The following ABCA9 variants were observed in gnomAD, a reference collection of about 807,000 sequenced individuals.
The protein encoded by ABCA9 is ATP binding cassette subfamily A member 9, also known as ATP-binding cassette sub-family A member 9.
Under a neutral mutation model 205.3 loss-of-function variants are expected in ABCA9, and 183 were observed. The ratio of observed to expected loss-of-function variants is 0.89; its 90% CI spans 0.79 to 1.01. ABCA9 has a LOEUF of 1.01. Ranked by LOEUF, ABCA9 falls within the 50% of genes least tolerant of loss-of-function variation. ABCA9 has a pLI of 0.00. For missense variants in ABCA9, 1,805 were observed against 1,912.4 expected, an observed-to-expected ratio of 0.94 and a Z score of 1.05; for synonymous variants, 651 against 683.3, an observed-to-expected ratio of 0.95 and a Z score of 0.74.
At chr17:69,025,869 G>T (rs1397570724) in intron 16 of ABCA9, among the ~76,000 whole-genome samples, 1 of 151,970 alleles carries the variant, frequency 6.6e-6, no homozygotes, top group Non-Finnish European at 1.5e-5. Context: ...TTAGAGGATT[G>T]AATACAATAA....
intron 2 of ABCA9, among the ~76,000 whole-genome samples, chr17:69,050,343 AACACACACACACACACAC>A (rs58213498): frequency 6.8e-6 from 1 of 147,902 alleles, no homozygotes; most frequent in East Asian, 2.0e-4. Flanking sequence ...CACACACACG[AACACACACACACACACAC>A]ACACACACAC....
At chr17:68,989,577 C>T (rs1320854962) in intron 30 of ABCA9, among the ~76,000 whole-genome samples, 2 of 152,204 alleles carry the variant, frequency 1.3e-5, no homozygotes, top group Non-Finnish European at 2.9e-5. Context: ...AACAGAAAGA[C>T]CGCCTCTTTT....
chr17:69,033,814 T>C lies in ABCA9; in HGVS notation c.1188A>G (p.Pro396=). ...TGAAAAGAGTAGCTATTATGAGGTA[T>C]GGATTTTGTGAAGAATCCAAGTGGG... The part of the protein sequence containing the change: ...SNAHLDSSQN[P]YLIIATLFML... The change falls in exon 9 of 39, where the codon CCA becomes CCG. Residue 396 remains proline (P), a synonymous_variant. Transcript: ENST00000340001. 1.2e-6 allele frequency: 2 copies of C among 1,608,738 alleles called. No homozygotes were observed. The highest frequency in any genetic ancestry group is 1.7e-6 in the Non-Finnish European group (2 of 1,175,608).
intron 1 of ABCA9, 144 bp from the exon 2 acceptor site, chr17:69,051,283 A>C: frequency 1.6e-6 from 1 of 630,706 alleles, no homozygotes; most frequent in Non-Finnish European, 2.6e-6. Flanking sequence ...TAAAATAAAA[A>C]CATGTGAGGA....
intron 4 of ABCA9, 114 bp from the exon 5 acceptor site, chr17:69,044,714 A>C (rs760216614): frequency 1.2e-6 from 1 of 854,418 alleles, no homozygotes; most frequent in African/African-American, 1.7e-5. Flanking sequence ...GTGGATGGTA[A>C]GTCTTCTCAG....
chr17:69,025,207 A>G (rs1241708462), intron 16 of ABCA9, among the ~76,000 whole-genome samples: 1 of 152,200 alleles, frequency 6.6e-6, no homozygotes, highest in Non-Finnish European at 1.5e-5. Context: ...AGCACTTTGC[A>G]GCTTGTCAAG....
chr17:69,029,067 G>A (rs1487656431), intron 11 of ABCA9, 102 bp downstream of exon 11: 8 of 587,290 alleles, frequency 1.4e-5, no homozygotes, highest in Non-Finnish European at 2.3e-5. Context: ...ATAAAGGAGA[G>A]ACATATCTGG....
intron 27 of ABCA9, 190 bp downstream of exon 27, chr17:68,992,820 AAAAAAG>A: frequency 2.4e-6 from 1 of 421,308 alleles, no homozygotes; most frequent in Admixed American, 4.3e-5. Flanking sequence ...TCTCAAAAAA[AAAAAAG>A]GGGGGGGGTC....
chr17:69,030,738 C>T (rs893668176), intron 10 of ABCA9, among the ~76,000 whole-genome samples: 5 of 152,150 alleles, frequency 3.3e-5, no homozygotes, highest in African/African-American at 1.2e-4. Flanking sequence ...TTTATTCCTT[C>T]ATTTCATCTA....
intron 17 of ABCA9, among the ~76,000 whole-genome samples, chr17:69,022,728 CTG>C (rs2070861884): frequency 6.6e-6 from 1 of 152,090 alleles, no homozygotes; most frequent in African/African-American, 2.4e-5. Flanking sequence ...CCTCCTCTCT[CTG>C]TCTCTCTCTC....
intron 2 of ABCA9, among the ~76,000 whole-genome samples, chr17:69,050,600 T>A (rs1567974063): frequency 6.6e-6 from 1 of 152,206 alleles, no homozygotes; most frequent in Non-Finnish European, 1.5e-5. Context: ...TGTCTGTGTC[T>A]ATAATGACAT....
intron 1 of ABCA9, among the ~76,000 whole-genome samples, chr17:69,051,915 G>A (rs901060449): frequency 2.6e-5 from 4 of 152,206 alleles, no homozygotes; most frequent in Non-Finnish European, 5.9e-5. Flanking sequence ...ATCTTTGGAA[G>A]TGGGAAATAA....
intron 4 of ABCA9, 65 bp downstream of exon 4, chr17:69,045,107 G>A: frequency 7.2e-7 from 1 of 1,393,912 alleles, no homozygotes; most frequent in Non-Finnish European, 9.9e-7. Flanking sequence ...TCTGCTATCA[G>A]GTATGCCCCC....
chr17:68,997,594 CTTTT>C lies in ABCA9; in HGVS notation c.3436-1584_3436-1581del. The stretch of plus-strand genomic sequence containing the variant: ...TAATTTGTTCCTGGGTATTTTTTTT[CTTTT>C]TTTTTTTTTTTTGTTAAAAGGATTT... On this transcript the variant is annotated intron_variant, in intron 25 of 38. Transcript: ENST00000340001. 4.7e-3 allele frequency among the ~76,000 whole-genome samples: 594 copies of C among 125,398 alleles called. 2 individuals are homozygous for C. Among genetic ancestry groups the C allele is most frequent in the African/African-American group, 0.016 (571 of 34,774 alleles). 82.3% of individuals were successfully genotyped at this position (125,398 alleles called of 152,430 possible).
chr17:69,020,646 T>A lies in ABCA9; in HGVS notation c.2402-60A>T, dbSNP rs2070781580. 4 of 1,509,510 alleles carry A rather than the reference T, an allele frequency of 2.6e-6. No individual in the cohort carries two copies. The East Asian group carries it at 9.2e-5, about 35-fold the overall frequency. 93.5% of individuals were successfully genotyped at this position (1,509,510 alleles called of 1,614,324 possible). A position where few individuals can be genotyped will look rare whatever the true frequency, so the allele number is the denominator to read the frequency against. ...TTTTAGTTATGCATTATTTAGCTTTTCCTATGATAAATTTTCCTACAAAGG... is the reference window on the plus strand; with the variant it reads ...TTTTAGTTATGCATTATTTAGCTTTACCTATGATAAATTTTCCTACAAAGG... On this transcript the variant is annotated intron_variant, in intron 18 of 38. Transcript: ENST00000340001.
At chr17:68,992,781 C>T in intron 27 of ABCA9, 1 of 378,444 alleles carries the variant, frequency 2.6e-6, no homozygotes, top group Non-Finnish European at 4.8e-6. Flanking sequence ...CCATTGCACT[C>T]CAGTCTGGGC....
At chr17:69,021,076 A>G (rs2070792010) in intron 18 of ABCA9, among the ~76,000 whole-genome samples, 1 of 152,180 alleles carries the variant, frequency 6.6e-6, no homozygotes, top group Non-Finnish European at 1.5e-5. Context: ...AACTCTGGCT[A>G]CTAGAAAGCT....
intron 6 of ABCA9, among the ~76,000 whole-genome samples, chr17:69,039,935 G>T (rs568214090): frequency 1.4e-4 from 21 of 152,252 alleles, no homozygotes; most frequent in African/African-American, 5.1e-4. Context: ...CACTTATGCA[G>T]CCAACAAACA....
chr17:69,028,734 A>G (rs2071072395), intron 11 of ABCA9, 89 bp from the exon 12 acceptor site: 2 of 624,378 alleles, frequency 3.2e-6, no homozygotes, highest in Non-Finnish European at 5.2e-6. Flanking sequence ...CAGCATGAAT[A>G]GATTGAGCTA....
Sources: allele counts gnomAD v4.1 joint callset (sites outside exome capture counted in the v4.1 genomes callset), GRCh38; gene constraint gnomAD v4.1.1; transcripts MANE v1.5; gene names NCBI Gene and HGNC (gene_info 2026-07-23, HGNC 2026-07-21).